PDE11A: variants seen among roughly 807,000 people sequenced by gnomAD.
The protein encoded by PDE11A is phosphodiesterase 11A.
In PDE11A, 100 loss-of-function variants were observed where a neutral mutation model predicts 100.5. That is an observed-to-expected ratio of 1.00 (90% CI 0.85 to 1.18). PDE11A has a LOEUF of 1.18. Ranked by LOEUF, PDE11A falls within the 50% of genes most tolerant of loss-of-function variation. The probability of loss-of-function intolerance (pLI) is 0.00; values close to 1 mark genes in which losing one functional copy is unlikely to be tolerated. For synonymous variants in PDE11A, 381 were observed against 420.8 expected, an observed-to-expected ratio of 0.91 and a Z score of 1.16; for missense variants, 1,141 against 1,152.6, an observed-to-expected ratio of 0.99 and a Z score of 0.15.
Position 177,768,211 on chromosome 2 carries a change from T to C in PDE11A, c.1788+1112A>G, listed in dbSNP as rs184594531. 6.9e-4 allele frequency among the ~76,000 whole-genome samples: 105 copies of C among 152,094 alleles called. 2 individuals are homozygous for C. The highest frequency in any genetic ancestry group is 2.2e-3 in the African/African-American group (93 of 41,502). Reference sequence around the variant, plus strand: ...ATCTTCCTTTGCTCCCTTTCATCATTCATGCGCTTGTGTTTGGAACAAACA... The same window carrying C: ...ATCTTCCTTTGCTCCCTTTCATCATCCATGCGCTTGTGTTTGGAACAAACA... On this transcript the variant is annotated intron_variant, in intron 10 of 19. Coordinates refer to ENST00000286063, the MANE Select transcript of PDE11A (RefSeq NM_016953.4).
intron 7 of PDE11A, among the ~76,000 whole-genome samples, 167 bp from the exon 8 acceptor site, chr2:177,818,092 G>A (rs1046531902): frequency 6.6e-6 from 1 of 151,956 alleles, no homozygotes; most frequent in Non-Finnish European, 1.5e-5. Context: ...TGAGGTGTAG[G>A]ACAATGCACT....
At position 177,887,914 on chromosome 2, in the gene PDE11A, GACAA is replaced by G. The variant is rs540292865; in HGVS notation, c.1302+10140_1302+10143del. 1.0e-3 allele frequency among the ~76,000 whole-genome samples: 157 copies of G among 152,250 alleles called. 2 individuals are homozygous for G. The highest frequency in any genetic ancestry group is 0.01 in the Middle Eastern group (3 of 294). ...CCAGCTGGTGATGGCCAACCACTGAGACAAACAGAGGGCAATGGACAGAGCCTGG... is the reference window on the plus strand; with the variant it reads ...CCAGCTGGTGATGGCCAACCACTGAGACAGAGGGCAATGGACAGAGCCTGG... On this transcript the variant is annotated intron_variant, in intron 4 of 19. Coordinates refer to ENST00000286063, the MANE Select transcript of PDE11A (RefSeq NM_016953.4).
chr2:177,702,226 A>T (rs1463237971), intron 13 of PDE11A, among the ~76,000 whole-genome samples: 3 of 152,082 alleles, frequency 2.0e-5, no homozygotes, highest in Non-Finnish European at 4.4e-5. Flanking sequence ...GAGGCAGGAG[A>T]ATCACTCGAA....
At chr2:178,047,789 TGAGA>T (rs1055226533) in intron 1 of PDE11A, among the ~76,000 whole-genome samples, 3 of 152,178 alleles carry the variant, frequency 2.0e-5, no homozygotes, top group Admixed American at 2.0e-4. Context: ...ATTTTAGAGC[TGAGA>T]GAGTCTCAGA....
chr2:177,865,552 T>C (rs1298189408), intron 5 of PDE11A, among the ~76,000 whole-genome samples: 2 of 152,160 alleles, frequency 1.3e-5, no homozygotes, highest in Non-Finnish European at 2.9e-5. Flanking sequence ...CTCAAAAATT[T>C]GTACATGAAT....
At chr2:177,774,046 C>A (rs1160224979) in intron 9 of PDE11A, among the ~76,000 whole-genome samples, 1 of 152,136 alleles carries the variant, frequency 6.6e-6, no homozygotes, top group Admixed American at 6.6e-5. Flanking sequence ...AGTTTACCCT[C>A]AGTGTTTGCA....
intron 4 of PDE11A, among the ~76,000 whole-genome samples, chr2:177,876,426 C>G (rs916263005): frequency 2.7e-5 from 4 of 148,220 alleles, no homozygotes; most frequent in Non-Finnish European, 4.5e-5. Context: ...CCACCTTATT[C>G]AACAATCATT....
intron 10 of PDE11A, among the ~76,000 whole-genome samples, chr2:177,751,216 G>A (rs1358830045): frequency 1.3e-5 from 2 of 151,728 alleles, no homozygotes; most frequent in East Asian, 1.9e-4. Flanking sequence ...CACTGATCTT[G>A]GAGTTTTAGC....
rs1054916644 is a variant in PDE11A at position 177,875,780 on chromosome 2, A to G, written c.1367+79T>C. The G allele has an allele frequency of 1.8e-5, 16 of 899,570 alleles. No individual in the cohort carries two copies. The East Asian group carries it at 3.2e-4, about 18-fold the overall frequency. 55.7% of individuals were successfully genotyped at this position (899,570 alleles called of 1,614,324 possible). ...CTTGCTAATATAAAGAACTACTACT[A>G]TCTTCTAAGAATTATGCAATGCTGC... On this transcript the variant is annotated intron_variant, in intron 5 of 19. Transcript: ENST00000286063.
chr2:177,866,135 T>A (rs1199320495), intron 5 of PDE11A, among the ~76,000 whole-genome samples: 1 of 152,128 alleles, frequency 6.6e-6, no homozygotes, highest in East Asian at 1.9e-4. Flanking sequence ...ACTTATTGAG[T>A]AGCCTACCAA....
chr2:178,043,902 A>G (rs10193573), intron 1 of PDE11A, among the ~76,000 whole-genome samples: 1,605 of 152,290 alleles, frequency 0.011, 24 homozygotes, highest in African/African-American at 0.037. Flanking sequence ...TCTTTTCACC[A>G]TATTATGTTA....
chr2:177,997,897 T>G, intron 2 of PDE11A: 2 of 1,365,376 alleles, frequency 1.5e-6, no homozygotes, highest in Admixed American at 3.4e-5. Flanking sequence ...TGAACTCATC[T>G]CCACCAACAA....
chr2:177,945,405 A>G (rs2085399310), intron 2 of PDE11A, among the ~76,000 whole-genome samples: 1 of 129,180 alleles, frequency 7.7e-6, no homozygotes, highest in Non-Finnish European at 1.7e-5. Flanking sequence ...CATCACATCT[A>G]GGAAGTGAGG....
At chr2:177,897,789 C>G (rs2084633049) in intron 4 of PDE11A, among the ~76,000 whole-genome samples, 1 of 152,088 alleles carries the variant, frequency 6.6e-6, no homozygotes, top group Non-Finnish European at 1.5e-5. Context: ...ATCACTGAAC[C>G]CCTTAGTTCC....
chr2:177,788,992 C>T (rs1297391482), intron 9 of PDE11A, among the ~76,000 whole-genome samples: 1 of 152,218 alleles, frequency 6.6e-6, no homozygotes, highest in Non-Finnish European at 1.5e-5. Context: ...CCCTCTGAAA[C>T]TATTCCAATC....
intron 2 of PDE11A, chr2:177,997,893 C>T (rs745605347): frequency 1.5e-6 from 2 of 1,364,666 alleles, no homozygotes; most frequent in Non-Finnish European, 2.1e-6. Context: ...AAAATGAACT[C>T]ATCTCCACCA....
At chr2:177,707,090 C>G (rs1389507092) in intron 13 of PDE11A, among the ~76,000 whole-genome samples, 1 of 152,076 alleles carries the variant, frequency 6.6e-6, no homozygotes, top group Non-Finnish European at 1.5e-5. Context: ...AGTCATGGAC[C>G]AGAGTGTGAT....
chr2:177,686,395 C>T (rs1016443375), intron 15 of PDE11A, among the ~76,000 whole-genome samples: 5 of 152,008 alleles, frequency 3.3e-5, no homozygotes, highest in South Asian at 2.1e-4. Flanking sequence ...AGTGGGATTC[C>T]GTCTCTAGAA....
At position 177,637,999 on chromosome 2, in the gene PDE11A, T is replaced by TATATA. The variant is rs1559120768; in HGVS notation, c.2647-8438_2647-8437insTATAT. Among the ~76,000 whole-genome samples the TATATA allele has an allele frequency of 5.5e-3, 193 of 35,338 alleles. 4 individuals are homozygous for TATATA. Among genetic ancestry groups the TATATA allele is most frequent in the South Asian group, 9.1e-3 (11 of 1,206 alleles). The allele number at this position is 35,338 out of a possible 152,430, so 23.2% of individuals were successfully genotyped here. Reference sequence around the variant, plus strand: ...CACGTGTATATATATATATATATATTTTTTTTTTTTTTTTTTTTGAGATGG... The same window carrying TATATA: ...CACGTGTATATATATATATATATATTATATATTTTTTTTTTTTTTTTTTGAGATGG... On this transcript the variant is annotated intron_variant, in intron 19 of 19. Transcript: ENST00000286063.
Sources: gnomAD v4.1 joint callset for allele counts (sites outside exome capture counted in the v4.1 genomes callset) on GRCh38, gnomAD v4.1.1 for gene constraint, MANE v1.5 for transcripts, NCBI Gene and HGNC (gene_info 2026-07-23, HGNC 2026-07-21) for gene names.